Variants in LRBA observed in about 807,000 individuals in gnomAD.
The protein encoded by LRBA is lipopolysaccharide-responsive and beige-like anchor protein.
Under a neutral mutation model 330.0 loss-of-function variants are expected in LRBA, and 176 were observed. The observed-to-expected ratio is 0.53, with a 90% CI of 0.47 to 0.60. The LOEUF (loss-of-function observed/expected upper bound fraction) is 0.60. LRBA is among the 20% of genes least tolerant of loss of function. LRBA has a pLI of 0.00. For missense variants in LRBA, 3,259 were observed against 3,444.8 expected, an observed-to-expected ratio of 0.95 and a Z score of 1.35; for synonymous variants, 1,230 against 1,193.0, an observed-to-expected ratio of 1.03 and a Z score of -0.64.
chr4:150,946,387 A>T (rs1736246774), intron 2 of LRBA, among the ~76,000 whole-genome samples: 1 of 152,136 alleles, frequency 6.6e-6, no homozygotes, highest in African/African-American at 2.4e-5. Context: ...AAACTCAACA[A>T]ATTTAAAGAT....
chr4:150,663,584 CA>C (rs1173611448), intron 37 of LRBA, among the ~76,000 whole-genome samples: 3 of 149,566 alleles, frequency 2.0e-5, no homozygotes, highest in Non-Finnish European at 3.0e-5. Flanking sequence ...AATAAAAGTA[CA>C]AAAGACATCC....
intron 40 of LRBA, among the ~76,000 whole-genome samples, chr4:150,574,701 T>C (rs1160021178): frequency 6.6e-6 from 1 of 152,048 alleles, no homozygotes; most frequent in African/African-American, 2.4e-5. Flanking sequence ...ATAAAGTTTA[T>C]AGAAAGCTTT....
chr4:150,647,624 C>G (rs1333301864), intron 37 of LRBA, among the ~76,000 whole-genome samples: 1 of 151,924 alleles, frequency 6.6e-6, no homozygotes, highest in African/African-American at 2.4e-5. Context: ...GTCTTGAACT[C>G]CTGGGCTCAA....
intron 28 of LRBA, among the ~76,000 whole-genome samples, chr4:150,834,785 C>T (rs530198100): frequency 4.5e-4 from 68 of 152,166 alleles, no homozygotes; most frequent in Non-Finnish European, 7.8e-4. Context: ...TTCCTGGTAG[C>T]TAGGAACATT....
chr4:150,870,425 C>G, intron 20 of LRBA, 100 bp downstream of exon 20: 1 of 729,542 alleles, frequency 1.4e-6, no homozygotes, highest in Non-Finnish European at 2.5e-6. Context: ...AAACATTCAT[C>G]TAACAATCTG....
At chr4:150,458,588 T>C (rs2152044368) in intron 44 of LRBA, among the ~76,000 whole-genome samples, 1 of 152,030 alleles carries the variant, frequency 6.6e-6, no homozygotes, top group South Asian at 2.1e-4. Context: ...GATTCCCTGC[T>C]CTGGTCTAAT....
At chr4:150,452,978 G>C (rs1020346518) in intron 44 of LRBA, among the ~76,000 whole-genome samples, 6 of 152,062 alleles carry the variant, frequency 3.9e-5, no homozygotes, top group Non-Finnish European at 8.8e-5. Flanking sequence ...ATTTTTAAAG[G>C]ATAAATTAAC....
chr4:150,519,774 A>G (rs1410453201), intron 40 of LRBA, among the ~76,000 whole-genome samples: 1 of 152,184 alleles, frequency 6.6e-6, no homozygotes, highest in East Asian at 1.9e-4. Flanking sequence ...AAACTGCCAG[A>G]ACAGTTTTCA....
At chr4:150,296,429 G>A (rs2126821843) in intron 53 of LRBA, among the ~76,000 whole-genome samples, 1 of 152,174 alleles carries the variant, frequency 6.6e-6, no homozygotes, top group Middle Eastern at 3.4e-3. Flanking sequence ...AAAATCTGAA[G>A]TCTTATCAAA....
chr4:150,411,509 T>G (rs1465399158), intron 47 of LRBA, among the ~76,000 whole-genome samples: 1 of 152,198 alleles, frequency 6.6e-6, no homozygotes, highest in Non-Finnish European at 1.5e-5. Context: ...TATAATCTGT[T>G]ATTATTCACT....
intron 36 of LRBA, among the ~76,000 whole-genome samples, chr4:150,731,013 G>C (rs1355915411): frequency 6.6e-6 from 1 of 152,104 alleles, no homozygotes; most frequent in Non-Finnish European, 1.5e-5. Flanking sequence ...GCAAGACTCT[G>C]TCTCAAAAAA....
intron 53 of LRBA, among the ~76,000 whole-genome samples, chr4:150,287,280 G>A (rs918673455): frequency 2.6e-5 from 4 of 152,200 alleles, no homozygotes; most frequent in Non-Finnish European, 5.9e-5. Flanking sequence ...AAAGGCAAAT[G>A]CTGCTGTCAG....
intron 41 of LRBA, among the ~76,000 whole-genome samples, chr4:150,488,904 AATATATACACACACAT>A (rs1298785428): frequency 7.6e-6 from 1 of 131,376 alleles, no homozygotes; most frequent in African/African-American, 2.8e-5. Context: ...CACACATAAG[AATATATACACACACAT>A]AAGAATATAT....
chr4:150,459,692 T>C (rs375546880), intron 44 of LRBA, among the ~76,000 whole-genome samples: 1 of 151,964 alleles, frequency 6.6e-6, no homozygotes, highest in Admixed American at 6.6e-5. Context: ...ATCATTTTTA[T>C]GCTTATTAGA....
At chr4:150,688,866 GTTCAAGTA>G (rs1301117735) in intron 36 of LRBA, among the ~76,000 whole-genome samples, 1 of 152,184 alleles carries the variant, frequency 6.6e-6, no homozygotes, top group African/African-American at 2.4e-5. Flanking sequence ...GTATAAATTA[GTTCAAGTA>G]TTCAAGTATT....
chr4:150,652,468 CCT>C (rs1158512011), intron 37 of LRBA, among the ~76,000 whole-genome samples: 2 of 152,032 alleles, frequency 1.3e-5, no homozygotes, highest in African/African-American at 2.4e-5. Context: ...ACATGTTCCC[CCT>C]TTCCTTTTGT....
chr4:150,832,800 C>CA (rs1747394440), intron 28 of LRBA, among the ~76,000 whole-genome samples: 1 of 152,052 alleles, frequency 6.6e-6, no homozygotes. Flanking sequence ...GACAGGGCCC[C>CA]ACTCCATTGC....
intron 40 of LRBA, among the ~76,000 whole-genome samples, chr4:150,557,877 G>A (rs887419951): frequency 6.6e-6 from 1 of 151,926 alleles, no homozygotes; most frequent in Admixed American, 6.6e-5. Context: ...ATTTCCTGCT[G>A]CTCTGTTCCA....
Position 150,839,106 on chromosome 4 carries a change from A to G in LRBA, c.4569+4994T>C, listed in dbSNP as rs1469549512. ...ATGAACAGACAATTCTCAAAAGAAG[A>G]TATTTATGCAGCCAACAGACACATG... On this transcript the variant is annotated intron_variant, in intron 28 of 56. Transcript: ENST00000651943. 4.6e-5 allele frequency among the ~76,000 whole-genome samples: 7 copies of G among 152,354 alleles called. No individual in the cohort carries two copies. The South Asian group carries it at 6.2e-4, about 14-fold the overall frequency.
Sources: allele counts gnomAD v4.1 joint callset (sites outside exome capture counted in the v4.1 genomes callset), GRCh38; gene constraint gnomAD v4.1.1; transcripts MANE v1.5; gene names NCBI Gene and HGNC (gene_info 2026-07-23, HGNC 2026-07-21).